PAX5: variants seen among roughly 807,000 people sequenced by gnomAD.
PAX5 encodes the protein paired box 5.
PAX5 carries 9 observed loss-of-function variants against 43.7 expected under a neutral mutation model. The ratio of observed to expected loss-of-function variants is 0.21; its 90% CI spans 0.12 to 0.36. The LOEUF (loss-of-function observed/expected upper bound fraction) is 0.36, where lower values mean the gene tolerates loss of function less well. Among genes scored for constraint, PAX5 ranks in the 10% least tolerant of loss-of-function variants. The pLI is 1.00. For missense variants in PAX5, 383 were observed against 532.7 expected, an observed-to-expected ratio of 0.72 and a Z score of 2.77; for synonymous variants, 228 against 214.3, an observed-to-expected ratio of 1.06 and a Z score of -0.56.
chr9:36,842,041 C>T (rs1467831425), intron 9 of PAX5, among the ~76,000 whole-genome samples: 6 of 152,124 alleles, frequency 3.9e-5, no homozygotes, highest in African/African-American at 1.2e-4. Flanking sequence ...CCCTCCCCAT[C>T]ACCCCAAGGA....
intron 5 of PAX5, among the ~76,000 whole-genome samples, chr9:36,979,252 T>C (rs967916702): frequency 6.6e-6 from 1 of 152,218 alleles, no homozygotes; most frequent in African/African-American, 2.4e-5. Flanking sequence ...GGCTTTTGTG[T>C]ATGTCTGTGG....
intron 1 of PAX5, among the ~76,000 whole-genome samples, chr9:37,022,711 C>G (rs146078192): frequency 1.6e-3 from 244 of 152,340 alleles, no homozygotes; most frequent in African/African-American, 5.7e-3. Flanking sequence ...TGTTTTGTAT[C>G]ATGGGAAAAC....
At chr9:36,846,737 C>G in intron 9 of PAX5, 106 bp downstream of exon 9, 1 of 726,612 alleles carries the variant, frequency 1.4e-6, no homozygotes, top group African/African-American at 1.8e-5. Context: ...TACCCACCCA[C>G]CTCAGTGACC....
At chr9:37,029,361 A>G (rs1840735380) in intron 1 of PAX5, among the ~76,000 whole-genome samples, 1 of 152,150 alleles carries the variant, frequency 6.6e-6, no homozygotes, top group Non-Finnish European at 1.5e-5. Flanking sequence ...CCAGTAGACA[A>G]GTTTCCGGCG....
chr9:36,991,230 A>G (rs7026469), intron 5 of PAX5, among the ~76,000 whole-genome samples: 72,121 of 152,036 alleles, frequency 0.47, 17,560 homozygotes, highest in East Asian at 0.67. Context: ...AGTCTAAGAG[A>G]AAGATGTGAC....
In PAX5 at chr9:36,836,010, C is replaced by T. The variant is rs1274687051; in HGVS notation, c.*4550G>A. 4.3e-6 allele frequency: 1 copy of T among 233,538 alleles called. No individual in the cohort carries two copies. The highest frequency in any genetic ancestry group is 8.4e-6 in the Non-Finnish European group (1 of 118,352). 14.5% of individuals were successfully genotyped at this position (233,538 alleles called of 1,614,324 possible). A position where few individuals can be genotyped will look rare whatever the true frequency, so the allele number is the denominator to read the frequency against. On this transcript the variant is annotated 3_prime_UTR_variant, in exon 10 of 10. Transcript: ENST00000358127. ...TGGTTTTTAAGATTTGCTTCCCTGGCTTGGAGCTCAATTCTGGCTGAATGT... is the reference window on the plus strand; with the variant it reads ...TGGTTTTTAAGATTTGCTTCCCTGGTTTGGAGCTCAATTCTGGCTGAATGT...
At chr9:36,862,256 G>T (rs997987573) in intron 8 of PAX5, among the ~76,000 whole-genome samples, 1 of 152,156 alleles carries the variant, frequency 6.6e-6, no homozygotes, top group Non-Finnish European at 1.5e-5. Flanking sequence ...AACTGAGGAG[G>T]GGTGTGGGTG....
At chr9:36,929,365 C>T (rs904678460) in intron 6 of PAX5, among the ~76,000 whole-genome samples, 1 of 152,162 alleles carries the variant, frequency 6.6e-6, no homozygotes, top group Admixed American at 6.5e-5. Context: ...CTGGTAACAA[C>T]GGCATTCTAC....
At chr9:37,029,111 T>A (rs1840712612) in intron 1 of PAX5, among the ~76,000 whole-genome samples, 2 of 152,234 alleles carry the variant, frequency 1.3e-5, no homozygotes, top group Admixed American at 6.5e-5. Flanking sequence ...GATGATCCGC[T>A]AATATTAAAC....
intron 6 of PAX5, among the ~76,000 whole-genome samples, chr9:36,948,379 C>T (rs765940354): frequency 4.6e-5 from 7 of 152,174 alleles, no homozygotes; most frequent in African/African-American, 1.4e-4. Flanking sequence ...AGAAGTATCA[C>T]AGTCTGGGTT....
intron 5 of PAX5, among the ~76,000 whole-genome samples, chr9:36,970,271 G>A (rs1454288648): frequency 4.6e-5 from 7 of 152,186 alleles, no homozygotes; most frequent in Admixed American, 6.5e-5. Context: ...ACCGTGAGGA[G>A]TGACCAGGGA....
intron 2 of PAX5, among the ~76,000 whole-genome samples, chr9:37,019,479 A>G (rs1238384754): frequency 6.6e-6 from 1 of 152,030 alleles, no homozygotes; most frequent in Admixed American, 6.5e-5. Context: ...TGGTCCTAAA[A>G]TTTCTTCCCT....
intron 1 of PAX5, among the ~76,000 whole-genome samples, chr9:37,026,902 A>T (rs985437881): frequency 6.6e-6 from 1 of 152,264 alleles, no homozygotes; most frequent in Non-Finnish European, 1.5e-5. Flanking sequence ...TCGGGGGCAT[A>T]GCGTAGGGGC....
intron 3 of PAX5, among the ~76,000 whole-genome samples, chr9:37,014,652 G>A (rs944181171): frequency 1.3e-5 from 2 of 152,296 alleles, no homozygotes; most frequent in Middle Eastern, 3.4e-3. Flanking sequence ...CAGGGACAGC[G>A]ACATTTGTGA....
intron 8 of PAX5, among the ~76,000 whole-genome samples, chr9:36,866,718 T>TC (rs533271943): frequency 6.8e-4 from 104 of 152,186 alleles, no homozygotes; most frequent in Non-Finnish European, 1.2e-3. Flanking sequence ...GCCACCTGGC[T>TC]CCCCCTCTGA....
At chr9:36,881,911 C>T (rs970894697) in intron 8 of PAX5, 93 bp downstream of exon 8, 7 of 915,078 alleles carry the variant, frequency 7.6e-6, no homozygotes, top group African/African-American at 4.9e-5. Context: ...TTCTCAGAAG[C>T]GTAGAGGTCA....
At chr9:36,929,268 AGG>A (rs1830931211) in intron 6 of PAX5, among the ~76,000 whole-genome samples, 1 of 130,676 alleles carries the variant, frequency 7.7e-6, no homozygotes, top group South Asian at 2.4e-4. Flanking sequence ...GAAGGAAGGA[AGG>A]AAGGAAGGAA....
At chr9:36,854,952 G>T (rs991652879) in intron 8 of PAX5, among the ~76,000 whole-genome samples, 2 of 152,238 alleles carry the variant, frequency 1.3e-5, no homozygotes, top group Admixed American at 6.5e-5. Flanking sequence ...GGAGCCTGGC[G>T]TGGAGGCCAG....
chr9:36,863,911 C>T lies in PAX5; in HGVS notation c.1013-16982G>A, dbSNP rs908450048. Among the ~76,000 whole-genome samples, 8 of 152,196 alleles carry T rather than the reference C, an allele frequency of 5.3e-5. No individual in the cohort carries two copies. The South Asian group carries it at 6.2e-4, about 12-fold the overall frequency. ...GGATCAGGAGGTCAGGAGCTCAAGACCAGCCTGGCCAACATGGTGAAACCC... is the reference window on the plus strand; with the variant it reads ...GGATCAGGAGGTCAGGAGCTCAAGATCAGCCTGGCCAACATGGTGAAACCC... On this transcript the variant is annotated intron_variant, in intron 8 of 9. Coordinates refer to ENST00000358127, the MANE Select transcript of PAX5 (RefSeq NM_016734.3).
Sources: gnomAD v4.1 joint callset for allele counts (sites outside exome capture counted in the v4.1 genomes callset) on GRCh38, gnomAD v4.1.1 for gene constraint, MANE v1.5 for transcripts, NCBI Gene and HGNC (gene_info 2026-07-23, HGNC 2026-07-21) for gene names.